The following PSPH variants were observed in gnomAD, a reference collection of about 807,000 sequenced individuals.
PSPH encodes the protein L-3-phosphoserine phosphatase.
In PSPH, 16 loss-of-function variants were observed where a neutral mutation model predicts 23.4. The ratio of observed to expected loss-of-function variants is 0.68; its 90% confidence interval spans 0.46 to 1.04. The LOEUF (loss-of-function observed/expected upper bound fraction) is 1.04. Among genes scored for constraint, PSPH ranks in the 50% least tolerant of loss-of-function variants. PSPH has a pLI of 0.00. For synonymous variants in PSPH, 68 were observed against 99.7 expected, an observed-to-expected ratio of 0.68 and a Z score of 1.89; for missense variants, 223 against 273.7, an observed-to-expected ratio of 0.81 and a Z score of 1.31.
At chr7:56,018,769 C>T (rs181588926) in intron 5 of PSPH, among the ~76,000 whole-genome samples, 2 of 151,742 alleles carry the variant, frequency 1.3e-5, no homozygotes, top group Admixed American at 1.3e-4. Context: ...AGTTCAAGAC[C>T]AGCCTGGGCA....
At chr7:56,021,421 C>CT (rs1789419126) in intron 3 of PSPH, among the ~76,000 whole-genome samples, 190 bp from the exon 4 acceptor site, 1 of 52,256 alleles carries the variant, frequency 1.9e-5, no homozygotes, top group South Asian at 7.5e-4. Context: ...TTCTTTCTTT[C>CT]TTTCTTTTTT....
chr7:56,039,971 C>T (rs1191591012), intron 1 of PSPH, among the ~76,000 whole-genome samples: 1 of 151,136 alleles, frequency 6.6e-6, no homozygotes, highest in Non-Finnish European at 1.5e-5. Flanking sequence ...TGGTGGCGGG[C>T]GCCTGTAGTC....
At chr7:56,047,904 G>A (rs1461900816) in intron 1 of PSPH, among the ~76,000 whole-genome samples, 1 of 152,136 alleles carries the variant, frequency 6.6e-6, no homozygotes, top group Non-Finnish European at 1.5e-5. Context: ...TTGACCTCAC[G>A]ATCCGCCGGC....
rs181870175 is a variant in PSPH at position 56,038,316 on chromosome 7, G to A, written c.-291-4210C>T. Among the ~76,000 whole-genome samples, 1,512 of 151,420 alleles carry A rather than the reference G, an allele frequency of 1.0e-2. 21 individuals are homozygous for A. The highest frequency in any genetic ancestry group is 0.033 in the African/African-American group (1,377 of 41,204). On this transcript the variant is annotated intron_variant, in intron 1 of 7. Coordinates refer to ENST00000275605, the MANE Select transcript of PSPH (RefSeq NM_004577.4). ...CAAAAAAAAAAAAAAAAAATTAGCC[G>A]GGCGTAGTGGTGGGCGCCTGCAGTC... is the stretch of plus-strand genomic sequence containing the variant.
intron 5 of PSPH, among the ~76,000 whole-genome samples, chr7:56,018,763 C>A (rs760628233): frequency 6.6e-6 from 1 of 151,096 alleles, no homozygotes; most frequent in Non-Finnish European, 1.5e-5. Flanking sequence ...CCCACAAGTT[C>A]AAGACCAGCC....
chr7:56,034,288 G>T (rs1791429810), intron 1 of PSPH, 182 bp from the exon 2 acceptor site: 1 of 152,212 alleles, frequency 6.6e-6, no homozygotes, highest in Admixed American at 6.6e-5. Context: ...AGAGGTGCAC[G>T]GTGCCTGTGG....
intron 1 of PSPH, chr7:56,043,172 G>C (rs771615593): frequency 6.6e-6 from 1 of 151,874 alleles, no homozygotes; most frequent in Admixed American, 6.6e-5. Context: ...AGGAGGCTGC[G>C]GCATGAAAAT....
intron 3 of PSPH, among the ~76,000 whole-genome samples, chr7:56,026,609 T>C (rs1790226530): frequency 6.7e-6 from 1 of 150,356 alleles, no homozygotes. Context: ...GAGACCAGCC[T>C]GGCCAACATG....
At chr7:56,044,860 G>A (rs529187788) in intron 1 of PSPH, among the ~76,000 whole-genome samples, 1 of 152,034 alleles carries the variant, frequency 6.6e-6, no homozygotes, top group East Asian at 1.9e-4. Flanking sequence ...GATCACTTGA[G>A]GTTAGGAGTT....
Position 56,021,066 on chromosome 7 carries a change from T to A in PSPH, c.140+7A>T. On this transcript the variant is annotated splice_region_variant and intron_variant, in intron 4 of 7. Transcript: ENST00000275605. Reference sequence around the variant, plus strand: ...CATTTCATAAAGTGAATAAATGCTATCCCTACATTTCTGACACCGCGTCCT... The same window carrying A: ...CATTTCATAAAGTGAATAAATGCTAACCCTACATTTCTGACACCGCGTCCT... 3.1e-6 allele frequency: 5 copies of A among 1,611,288 alleles called. No homozygotes were observed. The highest frequency in any genetic ancestry group is 4.2e-6 in the Non-Finnish European group (5 of 1,179,708).
chr7:56,019,813 A>T lies in PSPH; in HGVS notation c.141-79T>A, dbSNP rs757966175. On this transcript the variant is annotated intron_variant, in intron 4 of 7. Transcript: ENST00000275605. ...ACATGCCTTACTGCCCCGGGTCTGCACGACATCCACCAAAAGGAAGATGCT... is the reference window on the plus strand; with the variant it reads ...ACATGCCTTACTGCCCCGGGTCTGCTCGACATCCACCAAAAGGAAGATGCT... The T allele has an allele frequency of 3.2e-6, 5 of 1,579,344 alleles. No homozygotes were observed. The African/African-American group carries it at 5.4e-5, about 17-fold the overall frequency.
intron 1 of PSPH, among the ~76,000 whole-genome samples, chr7:56,044,522 C>T (rs1181441515): frequency 1.3e-5 from 2 of 151,874 alleles, no homozygotes; most frequent in South Asian, 2.1e-4. Flanking sequence ...CTATAATAAC[C>T]GAGAGTTAAA....
chr7:56,049,674 G>A (rs982167227), intron 1 of PSPH, among the ~76,000 whole-genome samples: 1 of 151,942 alleles, frequency 6.6e-6, no homozygotes, highest in African/African-American at 2.4e-5. Flanking sequence ...CTGACCTCAG[G>A]TGATCCACCC....
chr7:56,016,885 CCTT>C (rs1788629760), intron 6 of PSPH, among the ~76,000 whole-genome samples: 1 of 152,028 alleles, frequency 6.6e-6, no homozygotes, highest in Non-Finnish European at 1.5e-5. Flanking sequence ...CCAAAAGTCT[CCTT>C]CTTGAGTCTA....
chr7:56,046,353 G>T (rs1793243732), intron 1 of PSPH, among the ~76,000 whole-genome samples: 2 of 151,930 alleles, frequency 1.3e-5, no homozygotes, highest in African/African-American at 4.8e-5. Context: ...GGTCAGGCTG[G>T]TCTCGAACTC....
chr7:56,017,284 T>C lies in PSPH; in HGVS notation c.371A>G (p.Asn124Ser), dbSNP rs761409780. Residue 124 changes from asparagine to serine, a missense_variant, in exon 6 of 8, where the codon AAT (asparagine) becomes AGT (serine). Coordinates refer to ENST00000275605, the MANE Select transcript of PSPH (RefSeq NM_004577.4). ...SIVEHVASKL[N>S]IPATNVFANR... is the part of the protein sequence containing the mutation. ...GGCAAATACATTGGTTGCTGGGATATTGAGCTTTGAAGCAACATGCTCTAC... is the reference window on the plus strand; with the variant it reads ...GGCAAATACATTGGTTGCTGGGATACTGAGCTTTGAAGCAACATGCTCTAC... 30 of 1,613,846 alleles carry C rather than the reference T, an allele frequency of 1.9e-5. No individual in the cohort carries two copies. The Admixed American group carries it at 4.5e-4, about 24-fold the overall frequency.
At chr7:56,029,817 A>C (rs1384973901) in intron 3 of PSPH, among the ~76,000 whole-genome samples, 2 of 151,966 alleles carry the variant, frequency 1.3e-5, no homozygotes, top group Non-Finnish European at 2.9e-5. Flanking sequence ...TAGTAGGGAT[A>C]AATTTGTTCA....
chr7:56,016,511 G>A (rs1372990243), intron 6 of PSPH, among the ~76,000 whole-genome samples: 2 of 151,868 alleles, frequency 1.3e-5, no homozygotes, highest in East Asian at 3.9e-4. Context: ...GGGGACAGGA[G>A]GCTTCCCCAA....
At chr7:56,017,085 C>T in intron 6 of PSPH, 149 bp downstream of exon 6, 5 of 1,401,032 alleles carry the variant, frequency 3.6e-6, no homozygotes, top group Non-Finnish European at 4.9e-6. Context: ...GCAAAGGGTA[C>T]CAAAGGGCAA....
Sources: gnomAD v4.1 joint callset for allele counts (sites outside exome capture counted in the v4.1 genomes callset) on GRCh38, gnomAD v4.1.1 for gene constraint, MANE v1.5 for transcripts, NCBI Gene and HGNC (gene_info 2026-07-23, HGNC 2026-07-21) for gene names.